The following PCCA variants were observed in gnomAD, a reference collection of about 807,000 sequenced individuals.
PCCA encodes propionyl-CoA carboxylase subunit alpha.
In PCCA, 74 loss-of-function variants were observed where a neutral mutation model predicts 101.3. The observed-to-expected ratio is 0.73, with a 90% CI of 0.61 to 0.89. The LOEUF (loss-of-function observed/expected upper bound fraction) is 0.89, where lower values mean the gene tolerates loss of function less well. Ranked by LOEUF, PCCA falls within the 40% of genes least tolerant of loss-of-function variation. PCCA has a pLI of 0.00. For synonymous variants in PCCA, 294 were observed against 313.6 expected (o/e 0.94, Z 0.66); for missense variants, 891 against 907.0 (o/e 0.98, Z 0.23).
At chr13:100,176,185 A>G (rs1259753853) in intron 6 of PCCA, among the ~76,000 whole-genome samples, 1 of 152,198 alleles carries the variant, frequency 6.6e-6, no homozygotes, top group Non-Finnish European at 1.5e-5. Context: ...TCAGTAAAGA[A>G]TAACTGTGGA....
chr13:100,283,722 A>G (rs1284068970), intron 12 of PCCA, among the ~76,000 whole-genome samples: 1 of 152,228 alleles, frequency 6.6e-6, no homozygotes. Flanking sequence ...GAAAGGCCGC[A>G]GCCTTAGTCA....
At chr13:100,316,150 G>C (rs1027337095) in intron 16 of PCCA, among the ~76,000 whole-genome samples, 43 of 152,120 alleles carry the variant, frequency 2.8e-4, no homozygotes, top group African/African-American at 9.4e-4. Flanking sequence ...GATGTTTGTT[G>C]TCTGCCATGA....
chr13:100,392,394 A>T (rs984169075), intron 19 of PCCA, among the ~76,000 whole-genome samples: 16 of 152,250 alleles, frequency 1.1e-4, no homozygotes, highest in African/African-American at 3.9e-4. Context: ...ATCAAAATTC[A>T]GTCAATGTGT....
chr13:100,148,057 A>G (rs1249947934), intron 4 of PCCA, among the ~76,000 whole-genome samples: 1 of 152,056 alleles, frequency 6.6e-6, no homozygotes, highest in Non-Finnish European at 1.5e-5. Context: ...CGTGGGGACT[A>G]CAGGAACTGG....
intron 17 of PCCA, among the ~76,000 whole-genome samples, chr13:100,337,321 A>G (rs894236209): frequency 5.9e-5 from 9 of 152,162 alleles, no homozygotes; most frequent in African/African-American, 2.2e-4. Context: ...CCCAGAATGC[A>G]GTGTCAGTGT....
In PCCA at chr13:100,273,357, C is replaced by A. The variant is rs1739050075; in HGVS notation, c.1065+11C>A. On this transcript the variant is annotated intron_variant, in intron 12 of 23. Transcript: ENST00000376285. ...AATACAAGACTCCAGGTAACAACAACTGTTATTTATTCCTCTCCATGCCTC... is the reference window on the plus strand; with the variant it reads ...AATACAAGACTCCAGGTAACAACAAATGTTATTTATTCCTCTCCATGCCTC... 2 of 1,605,812 alleles carry A rather than the reference C, an allele frequency of 1.2e-6. No homozygotes were observed. The highest frequency in any genetic ancestry group is 1.7e-6 in the Non-Finnish European group (2 of 1,172,668).
At chr13:100,259,816 G>A (rs988936322) in intron 9 of PCCA, among the ~76,000 whole-genome samples, 2 of 152,124 alleles carry the variant, frequency 1.3e-5, no homozygotes, top group African/African-American at 2.4e-5. Context: ...CATTGTGAGT[G>A]CAATTTCTGT....
chr13:100,094,120 T>C (rs1424449143), intron 1 of PCCA, among the ~76,000 whole-genome samples: 3 of 150,100 alleles, frequency 2.0e-5, no homozygotes, highest in Non-Finnish European at 4.4e-5. Context: ...CTCAGCTACT[T>C]GGGAGGCTGA....
At chr13:100,283,724 C>A (rs1446475080) in intron 12 of PCCA, among the ~76,000 whole-genome samples, 1 of 152,170 alleles carries the variant, frequency 6.6e-6, no homozygotes. Context: ...AAGGCCGCAG[C>A]CTTAGTCATG....
At chr13:100,490,420 A>G (rs1321682603) in intron 21 of PCCA, 1 of 152,238 alleles carries the variant, frequency 6.6e-6, no homozygotes, top group African/African-American at 2.4e-5. Context: ...AGGCGGAACA[A>G]GACCCTCACA....
intron 19 of PCCA, among the ~76,000 whole-genome samples, chr13:100,391,239 A>T (rs984453516): frequency 6.6e-6 from 1 of 152,124 alleles, no homozygotes; most frequent in African/African-American, 2.4e-5. Context: ...GATAGTCTTG[A>T]TTTCTTGACC....
intron 21 of PCCA, chr13:100,477,387 C>G (rs1483308434): frequency 6.6e-6 from 1 of 152,104 alleles, no homozygotes; most frequent in Non-Finnish European, 1.5e-5. Context: ...CTCAAGGCAA[C>G]TAAGTTAGAT....
At chr13:100,248,314 T>A (rs1476977107) in intron 8 of PCCA, among the ~76,000 whole-genome samples, 1 of 152,148 alleles carries the variant, frequency 6.6e-6, no homozygotes, top group Non-Finnish European at 1.5e-5. Flanking sequence ...AAAAAAAATG[T>A]CTCTTGTTCT....
chr13:100,180,916 T>C lies in PCCA; in HGVS notation c.468+23576T>C, dbSNP rs376998184. On this transcript the variant is annotated intron_variant, in intron 6 of 23. Coordinates refer to ENST00000376285, the MANE Select transcript of PCCA (RefSeq NM_000282.4). ...CCCTGACAATTATTGATTCAGGGATTAATCAAGGCTTAAGCCATTGTGGGC... is the reference window on the plus strand; with the variant it reads ...CCCTGACAATTATTGATTCAGGGATCAATCAAGGCTTAAGCCATTGTGGGC... Among the ~76,000 whole-genome samples the C allele has an allele frequency of 3.0e-3, 458 of 152,342 alleles. 2 individuals are homozygous for C. The highest frequency in any genetic ancestry group is 9.3e-3 in the African/African-American group (386 of 41,572).
chr13:100,502,699 G>GCTT (rs2085768087), intron 21 of PCCA, among the ~76,000 whole-genome samples: 1 of 152,210 alleles, frequency 6.6e-6, no homozygotes, highest in Non-Finnish European at 1.5e-5. Flanking sequence ...AGTTAAGAGA[G>GCTT]CTTTCTGTTG....
intron 7 of PCCA, among the ~76,000 whole-genome samples, chr13:100,234,915 C>CCACACATACCCACACACACACA (rs1758100191): frequency 6.7e-6 from 1 of 150,336 alleles, no homozygotes; most frequent in Non-Finnish European, 1.5e-5. Flanking sequence ...ACACACACAC[C>CCACACATACCCACACACACACA]CCACACATAC....
chr13:100,151,614 AAAC>A (rs1393379891), intron 4 of PCCA, among the ~76,000 whole-genome samples: 1 of 152,026 alleles, frequency 6.6e-6, no homozygotes, highest in Non-Finnish European at 1.5e-5. Flanking sequence ...AACAAACAGA[AAAC>A]AAAACAAAAC....
chr13:100,358,668 G>A (rs2074206932), intron 18 of PCCA, among the ~76,000 whole-genome samples: 1 of 152,106 alleles, frequency 6.6e-6, no homozygotes. Context: ...TGAAAAAAGA[G>A]AAAGAAAAAT....
chr13:100,448,741 CA>C (rs1361111018), intron 20 of PCCA, among the ~76,000 whole-genome samples: 3 of 152,152 alleles, frequency 2.0e-5, no homozygotes, highest in Non-Finnish European at 4.4e-5. Context: ...CATAGAATTG[CA>C]TTGTTGTTTT....
Sources: gnomAD v4.1 joint callset for allele counts (sites outside exome capture counted in the v4.1 genomes callset) on GRCh38, gnomAD v4.1.1 for gene constraint, MANE v1.5 for transcripts, NCBI Gene and HGNC (gene_info 2026-07-23, HGNC 2026-07-21) for gene names.